LMO7: variants seen among roughly 807,000 people sequenced by gnomAD.
The protein encoded by LMO7 is LIM domain 7.
LMO7 carries 120 observed loss-of-function variants against 206.5 expected under a neutral mutation model. The observed-to-expected ratio is 0.58, with a 90% CI of 0.50 to 0.68. The LOEUF is 0.68. Ranked by LOEUF, LMO7 falls within the 30% of genes least tolerant of loss-of-function variation. The pLI, the probability that LMO7 is intolerant of heterozygous loss-of-function variation, is 0.00. For synonymous variants in LMO7, 706 were observed against 681.5 expected, an observed-to-expected ratio of 1.04 and a Z score of -0.56; for missense variants, 1,959 against 1,957.9, an observed-to-expected ratio of 1.00 and a Z score of -0.01.
intron 3 of LMO7, among the ~76,000 whole-genome samples, chr13:75,754,807 G>A (rs1174101802): frequency 2.6e-5 from 4 of 152,172 alleles, no homozygotes; most frequent in Admixed American, 6.5e-5. Flanking sequence ...GAAAGGTGAG[G>A]TGTTAACAAA....
At chr13:75,641,806 C>G (rs1321153057) in intron 1 of LMO7, among the ~76,000 whole-genome samples, 4 of 151,884 alleles carry the variant, frequency 2.6e-5, no homozygotes, top group Non-Finnish European at 5.9e-5. Context: ...ACCACCATGC[C>G]TGGCTAACTT....
At chr13:75,830,568 CA>C (rs2058564173) in intron 15 of LMO7, among the ~76,000 whole-genome samples, 5 of 152,192 alleles carry the variant, frequency 3.3e-5, no homozygotes, top group African/African-American at 1.2e-4. Context: ...CAAGGACTAA[CA>C]CAACACTCTG....
chr13:75,677,748 C>T (rs1306228783), intron 1 of LMO7, among the ~76,000 whole-genome samples: 2 of 150,294 alleles, frequency 1.3e-5, no homozygotes, highest in African/African-American at 2.4e-5. Flanking sequence ...CCCATTAACT[C>T]GTCATTTAAC....
At position 75,636,535 on chromosome 13, in the gene LMO7, C is replaced by T; in HGVS notation, c.-123C>T. On this transcript the variant is annotated 5_prime_UTR_variant, in exon 1 of 31. Coordinates refer to ENST00000377534, the MANE Select transcript of LMO7 (RefSeq NM_001306080.2). ...ACTAGAGCCCCGGCGCCTTCGCAGC[C>T]GGAGCGGAAGCCGGAGTTGTGGGAG... is the stretch of plus-strand genomic sequence containing the variant. 6.6e-7 allele frequency: 1 copy of T among 1,520,856 alleles called. No individual in the cohort carries two copies. The highest frequency in any genetic ancestry group is 8.8e-7 in the Non-Finnish European group (1 of 1,141,630). The allele number at this position is 1,520,856 out of a possible 1,614,324, so 94.2% of individuals were successfully genotyped here.
Position 75,850,815 on chromosome 13 carries a change from T to A in LMO7, c.4364+1523T>A, listed in dbSNP as rs576850289. On this transcript the variant is annotated intron_variant, in intron 27 of 30. Coordinates refer to ENST00000377534, the MANE Select transcript of LMO7 (RefSeq NM_001306080.2). ...AGGTTTCTGCCACACATTCTTTTTT[T>A]TTTTTAAGACTCTTTGAAAATGTGA... Among the ~76,000 whole-genome samples the A allele has an allele frequency of 2.0e-5, 3 of 152,300 alleles. No individual in the cohort carries two copies. In the East Asian group the frequency reaches 5.8e-4, roughly 29 times the overall value.
intron 1 of LMO7, among the ~76,000 whole-genome samples, chr13:75,711,003 CA>C (rs1427543589): frequency 6.6e-6 from 1 of 152,022 alleles, no homozygotes; most frequent in Admixed American, 6.5e-5. Context: ...GAGTTTTTAG[CA>C]TGAAGCGTTG....
chr13:75,636,406 G>A lies in LMO7; in HGVS notation c.-252G>A, dbSNP rs1012408313. ...TTCCCGCGTCCTGCCTGACTGCCCG[G>A]GTCCCCGCGGGCCTTGGGTCGCTTT... On this transcript the variant is annotated 5_prime_UTR_variant, in exon 1 of 31. Transcript: ENST00000377534. The A allele has an allele frequency of 1.5e-6, 2 of 1,328,948 alleles. No homozygotes were observed. The highest frequency in any genetic ancestry group is 3.1e-5 in the African/African-American group (2 of 64,574). 82.3% of individuals were successfully genotyped at this position (1,328,948 alleles called of 1,614,324 possible).
At chr13:75,697,553 A>G (rs1566321114) in intron 1 of LMO7, among the ~76,000 whole-genome samples, 1 of 152,194 alleles carries the variant, frequency 6.6e-6, no homozygotes, top group Non-Finnish European at 1.5e-5. Context: ...CCCTCCCACA[A>G]CAAGTGGGAA....
chr13:75,646,825 T>TA (rs1013249504), intron 1 of LMO7, among the ~76,000 whole-genome samples: 43 of 152,224 alleles, frequency 2.8e-4, no homozygotes, highest in African/African-American at 1.0e-3. Context: ...CCTCAGGTGA[T>TA]ATGTGTGCCT....
At chr13:75,668,863 A>C (rs1478050275) in intron 1 of LMO7, among the ~76,000 whole-genome samples, 1 of 152,212 alleles carries the variant, frequency 6.6e-6, no homozygotes, top group African/African-American at 2.4e-5. Context: ...GTCATGTTGA[A>C]TATTTTGTTA....
At position 75,711,965 on chromosome 13, in the gene LMO7, T is replaced by A. The variant is rs572758560; in HGVS notation, c.70-1217T>A. Among the ~76,000 whole-genome samples, 10 of 152,356 alleles carry A rather than the reference T, an allele frequency of 6.6e-5. No homozygotes were observed. The South Asian group carries it at 2.1e-3, about 32-fold the overall frequency. ...ATCTACCTCTTCCTGAGTTTGAGCA[T>A]GTTGCCTCCTGGCCCAGGCTCCTGT... On this transcript the variant is annotated intron_variant, in intron 1 of 30. Transcript: ENST00000377534.
rs116672233 is a variant in LMO7 at position 75,712,312 on chromosome 13, A to C, written c.70-870A>C. ...TACGTGGTGGCTGCATCTCCAGGAC[A>C]GCTGGTGTCACTGCTGTTGGTCCCT... is the stretch of plus-strand genomic sequence containing the variant. On this transcript the variant is annotated intron_variant, in intron 1 of 30. Transcript: ENST00000377534. Among the ~76,000 whole-genome samples, 1,058 of 152,294 alleles carry C rather than the reference A, an allele frequency of 6.9e-3. 16 individuals carry two copies. The highest frequency in any genetic ancestry group is 0.024 in the African/African-American group (1,017 of 41,562).
chr13:75,643,725 A>G (rs769575125), intron 1 of LMO7, among the ~76,000 whole-genome samples: 2 of 152,234 alleles, frequency 1.3e-5, no homozygotes, highest in Non-Finnish European at 2.9e-5. Context: ...CAACTTTGAA[A>G]CAGAGGTTTA....
chr13:75,738,186 G>T (rs563749301), intron 3 of LMO7, among the ~76,000 whole-genome samples: 1 of 152,322 alleles, frequency 6.6e-6, no homozygotes, highest in Non-Finnish European at 1.5e-5. Context: ...TTCTGTGTAA[G>T]GGTTTAAGCT....
At chr13:75,801,682 G>GT (rs930244450) in intron 7 of LMO7, among the ~76,000 whole-genome samples, 78 of 149,742 alleles carry the variant, frequency 5.2e-4, no homozygotes, top group African/African-American at 1.6e-3. Context: ...CACAAGTGAA[G>GT]TTTTTTTTTT....
chr13:75,756,489 G>A (rs1009271745), intron 3 of LMO7, among the ~76,000 whole-genome samples: 9 of 152,120 alleles, frequency 5.9e-5, no homozygotes, highest in Admixed American at 2.0e-4. Flanking sequence ...TTTTAGGGTG[G>A]CACCAAGAAT....
In LMO7 at chr13:75,626,595, A is replaced by ATTTT. The variant is rs1240937141; in HGVS notation, c.225+3279_225+3282dup. 9.1e-4 allele frequency among the ~76,000 whole-genome samples: 65 copies of ATTTT among 71,176 alleles called. 4 individuals carry two copies. The South Asian group carries it at 9.1e-3, about 10-fold the overall frequency. 46.7% of individuals were successfully genotyped at this position (71,176 alleles called of 152,430 possible). A position where few individuals can be genotyped will look rare whatever the true frequency, so the allele number is the denominator to read the frequency against. On this transcript the variant is annotated intron_variant, in intron 2 of 29. Transcript: ENST00000341547. Reference sequence around the variant, plus strand: ...ATATATATTATATATATATATATAAATTTTTTTGAGACAGGGTCTCACTCT... The same window carrying ATTTT: ...ATATATATTATATATATATATATAAATTTTTTTTTTTGAGACAGGGTCTCACTCT...
At position 75,636,381 on chromosome 13, in the gene LMO7, T is replaced by A; in HGVS notation, c.-277T>A. On this transcript the variant is annotated 5_prime_UTR_variant, in exon 1 of 31. Coordinates refer to ENST00000377534, the MANE Select transcript of LMO7 (RefSeq NM_001306080.2). ...CGCTGCCGCTGGGCACCCGCTTCGC[T>A]TCCCGCGTCCTGCCTGACTGCCCGG... The A allele has an allele frequency of 7.8e-7, 1 of 1,281,236 alleles. No homozygotes were observed. The highest frequency in any genetic ancestry group is 1.6e-5 in the African/African-American group (1 of 63,250). The allele number at this position is 1,281,236 out of a possible 1,614,324, so 79.4% of individuals were successfully genotyped here.
intron 15 of LMO7, among the ~76,000 whole-genome samples, chr13:75,825,064 C>T (rs1377606693): frequency 6.6e-6 from 1 of 152,006 alleles, no homozygotes; most frequent in African/African-American, 2.4e-5. Flanking sequence ...TCACTGTTAA[C>T]ATCTAGGTAT....
Sources: allele counts gnomAD v4.1 joint callset (sites outside exome capture counted in the v4.1 genomes callset), GRCh38; gene constraint gnomAD v4.1.1; transcripts MANE v1.5; gene names NCBI Gene and HGNC (gene_info 2026-07-23, HGNC 2026-07-21).